The following RIMS1 variants were observed in gnomAD, a reference collection of about 807,000 sequenced individuals.
RIMS1 encodes the protein regulating synaptic membrane exocytosis protein 1.
A neutral mutation model predicts 214.1 loss-of-function variants in RIMS1; 83 were observed. That is an observed-to-expected ratio of 0.39 (90% CI 0.32 to 0.47). RIMS1 has a LOEUF of 0.47. Ranked by LOEUF, RIMS1 falls within the 20% of genes least tolerant of loss-of-function variation. RIMS1 has a pLI of 0.99. For synonymous variants in RIMS1, 793 were observed against 786.8 expected (o/e 1.01, Z -0.13); for missense variants, 2,050 against 2,161.8 (o/e 0.95, Z 1.03).
At chr6:71,922,042 CA>C (rs1203286667) in intron 1 of RIMS1, among the ~76,000 whole-genome samples, 2 of 152,168 alleles carry the variant, frequency 1.3e-5, no homozygotes, top group Admixed American at 1.3e-4. Flanking sequence ...TATACTCACC[CA>C]GCTTCGGTCT....
At chr6:72,145,714 C>T (rs2042657957) in intron 4 of RIMS1, among the ~76,000 whole-genome samples, 1 of 152,184 alleles carries the variant, frequency 6.6e-6, no homozygotes, top group African/African-American at 2.4e-5. Flanking sequence ...TCCCAAGGGG[C>T]TTTTATTGGC....
chr6:72,077,160 T>C (rs1047773908), intron 2 of RIMS1, among the ~76,000 whole-genome samples: 1 of 152,124 alleles, frequency 6.6e-6, no homozygotes, highest in Non-Finnish European at 1.5e-5. Flanking sequence ...TCCTTCAGGA[T>C]CCCACTCCTC....
chr6:72,203,578 T>C (rs2463694), intron 6 of RIMS1, among the ~76,000 whole-genome samples: 107,708 of 151,960 alleles, frequency 0.71, 38,521 homozygotes, highest in East Asian at 0.84. Flanking sequence ...TTACCTTGGG[T>C]AACAGAAGGA....
At chr6:72,014,817 T>C (rs990789923) in intron 2 of RIMS1, among the ~76,000 whole-genome samples, 1 of 152,248 alleles carries the variant, frequency 6.6e-6, no homozygotes, top group African/African-American at 2.4e-5. Context: ...ATTGTGGTTT[T>C]TATTTGCAAA....
At chr6:72,233,629 G>A (rs1048146255) in intron 6 of RIMS1, 144 bp from the exon 7 acceptor site, 6 of 631,174 alleles carry the variant, frequency 9.5e-6, no homozygotes, top group Non-Finnish European at 1.7e-5. Context: ...CACAACCTTT[G>A]CAACACAGGT....
At position 72,307,366 on chromosome 6, in the gene RIMS1, C is replaced by T. The variant is rs140943787; in HGVS notation, c.3959C>T (p.Ser1320Phe). The T allele has an allele frequency of 5.7e-5, 90 of 1,583,686 alleles. No individual in the cohort carries two copies. The African/African-American group carries it at 8.5e-4, about 15-fold the overall frequency. Residue 1320 changes from serine (S) to phenylalanine (F), a missense_variant, in exon 27 of 34, where the codon TCC (serine) becomes TTC (phenylalanine). Ser to Phe is a radical substitution (Grantham distance 155). Around this residue, in one of 6 missense-constraint regions of RIMS1, gnomAD observed 889 missense variants for 885.5 expected, o/e 1.00. Transcript: ENST00000521978. ...CAAGAACTTGATCGCGAGCAATATT[C>T]CAAGGTAAAATTAGTAGTATCCAAC... ...SSQELDREQY[S>F]KYNIHKDQYR...
At chr6:72,299,779 A>G (rs973244628) in intron 26 of RIMS1, among the ~76,000 whole-genome samples, 6 of 151,880 alleles carry the variant, frequency 4.0e-5, no homozygotes, top group Non-Finnish European at 4.4e-5. Context: ...GTGAAACACT[A>G]TAAGAACAAA....
At chr6:72,065,355 G>A (rs951261837) in intron 2 of RIMS1, among the ~76,000 whole-genome samples, 4 of 152,098 alleles carry the variant, frequency 2.6e-5, no homozygotes, top group African/African-American at 7.2e-5. Flanking sequence ...CTGAAGACAT[G>A]TATGAAAGAA....
intron 23 of RIMS1, among the ~76,000 whole-genome samples, chr6:72,276,598 T>A (rs2086543216): frequency 6.6e-6 from 1 of 152,074 alleles, no homozygotes; most frequent in East Asian, 1.9e-4. Context: ...ATTTTGCTTT[T>A]TTATGATAAC....
intron 2 of RIMS1, among the ~76,000 whole-genome samples, chr6:71,976,614 T>A (rs1375897445): frequency 6.6e-6 from 1 of 152,062 alleles, no homozygotes; most frequent in Non-Finnish European, 1.5e-5. Flanking sequence ...AATTGATCTA[T>A]TTTTTCTTTG....
chr6:72,210,605 A>G (rs577865661), intron 6 of RIMS1, among the ~76,000 whole-genome samples: 1 of 152,320 alleles, frequency 6.6e-6, no homozygotes, highest in South Asian at 2.1e-4. Context: ...AACTGCCAAG[A>G]ACACAGCCTT....
chr6:72,215,933 GC>G (rs2055785963), intron 6 of RIMS1, among the ~76,000 whole-genome samples: 2 of 152,220 alleles, frequency 1.3e-5, no homozygotes, highest in Admixed American at 1.3e-4. Context: ...AGTAAACACA[GC>G]ACCATTTGTT....
rs980106766 is a variant in RIMS1 at position 71,969,029 on chromosome 6, A to C, written c.211A>C (p.Arg71=). The C allele has an allele frequency of 8.1e-6, 13 of 1,613,932 alleles. No homozygotes were observed. In the African/African-American group the frequency reaches 1.7e-4, roughly 22 times the overall value. The change falls in exon 2 of 34, where the codon AGA becomes CGA. Residue 71 remains arginine (R), a synonymous_variant. Coordinates refer to ENST00000521978, the MANE Select transcript of RIMS1 (RefSeq NM_014989.7). Reference sequence around the variant, plus strand: ...GAAGCCTGCTGCCTGCAAAACACCAAGAAATGCTGAAAACCAGCCCCACCA... The same window carrying C: ...GAAGCCTGCTGCCTGCAAAACACCACGAAATGCTGAAAACCAGCCCCACCA... ...MAKPAACKTP[R]NAENQPHQPS...
chr6:71,920,775 G>A (rs1411974415), intron 1 of RIMS1, among the ~76,000 whole-genome samples: 1 of 152,176 alleles, frequency 6.6e-6, no homozygotes, highest in Admixed American at 6.5e-5. Flanking sequence ...ATGAACTGCA[G>A]TTCTGCTTTT....
chr6:72,152,173 G>T (rs1473729442), intron 4 of RIMS1, among the ~76,000 whole-genome samples: 2 of 152,102 alleles, frequency 1.3e-5, no homozygotes, highest in South Asian at 2.1e-4. Context: ...TATCACATGG[G>T]TTGGATGCGA....
At chr6:72,297,924 G>C (rs563307584) in intron 26 of RIMS1, among the ~76,000 whole-genome samples, 1 of 151,936 alleles carries the variant, frequency 6.6e-6, no homozygotes, top group Non-Finnish European at 1.5e-5. Context: ...GTCTTTGCTG[G>C]GATCTATCTT....
In RIMS1 at chr6:72,390,621, A is replaced by C. The variant is rs2098687799; in HGVS notation, c.4390A>C (p.Ser1464Arg). 6.2e-7 allele frequency: 1 copy of C among 1,613,734 alleles called. No homozygotes were observed. The highest frequency in any genetic ancestry group is 2.2e-5 in the East Asian group (1 of 44,868). ...AGAGTCGGGCCACAAAAAGTTAAAAAGTACCATCCAGAGAAGCACAGAAAC... is the reference window on the plus strand; with the variant it reads ...AGAGTCGGGCCACAAAAAGTTAAAACGTACCATCCAGAGAAGCACAGAAAC... ...QTESGHKKLK[S>R]TIQRSTETGM... Residue 1464 changes from serine to arginine, a missense_variant, in exon 30 of 34, where the codon AGT (serine) becomes CGT (arginine). By Grantham distance (110) the Ser-to-Arg change is moderately radical. Around this residue, in one of 6 missense-constraint regions of RIMS1, gnomAD observed 889 missense variants for 885.5 expected, o/e 1.00. Coordinates refer to ENST00000521978, the MANE Select transcript of RIMS1 (RefSeq NM_014989.7).
At chr6:71,981,167 T>C (rs1351624755) in intron 2 of RIMS1, among the ~76,000 whole-genome samples, 1 of 152,146 alleles carries the variant, frequency 6.6e-6, no homozygotes, top group Non-Finnish European at 1.5e-5. Flanking sequence ...TGATTTTCTA[T>C]CAACTCTGGT....
At chr6:71,971,723 C>A (rs572144474) in intron 2 of RIMS1, among the ~76,000 whole-genome samples, 1 of 152,250 alleles carries the variant, frequency 6.6e-6, no homozygotes, top group East Asian at 1.9e-4. Flanking sequence ...AAGAGAAGAG[C>A]TTGTGCAGGG....
Sources: allele counts gnomAD v4.1 joint callset (sites outside exome capture counted in the v4.1 genomes callset), GRCh38; gene constraint gnomAD v4.1.1; regional missense constraint gnomAD v4.1.1; transcripts MANE v1.5; gene names NCBI Gene and HGNC (gene_info 2026-07-23, HGNC 2026-07-21).